Variants in DEUP1 observed in about 807,000 individuals in gnomAD.
DEUP1 encodes deuterosome assembly protein 1, also known as coiled-coil domain containing 67.
DEUP1 carries 82 observed loss-of-function variants against 87.4 expected under a neutral mutation model. The ratio of observed to expected loss-of-function variants is 0.94; its 90% confidence interval spans 0.78 to 1.13. The LOEUF (loss-of-function observed/expected upper bound fraction) is 1.13. Ranked by LOEUF, DEUP1 falls within the 50% of genes most tolerant of loss-of-function variation. The pLI, the probability that DEUP1 is intolerant of heterozygous loss-of-function variation, is 0.00. For missense variants in DEUP1, 663 were observed against 681.5 expected (o/e 0.97, Z 0.30); for synonymous variants, 214 against 222.7 (o/e 0.96, Z 0.35).
At chr11:93,358,614 T>G (rs971539257) in intron 4 of DEUP1, among the ~76,000 whole-genome samples, 16 of 152,196 alleles carry the variant, frequency 1.1e-4, no homozygotes, top group Admixed American at 2.0e-4. Flanking sequence ...GATGGAGTCT[T>G]GCTCTGTCGC....
chr11:93,338,278 G>C (rs891268303), intron 2 of DEUP1, among the ~76,000 whole-genome samples: 2 of 152,056 alleles, frequency 1.3e-5, no homozygotes, highest in African/African-American at 4.8e-5. Context: ...TTAAGAAGTT[G>C]GTCCTATAAC....
chr11:93,407,342 C>T (rs1490699939), intron 11 of DEUP1, among the ~76,000 whole-genome samples: 3 of 152,062 alleles, frequency 2.0e-5, no homozygotes, highest in African/African-American at 7.2e-5. Context: ...TAGGCTTTAC[C>T]TTACAGCCTA....
At chr11:93,408,925 C>G (rs907680992) in intron 12 of DEUP1, among the ~76,000 whole-genome samples, 1 of 151,344 alleles carries the variant, frequency 6.6e-6, no homozygotes, top group Non-Finnish European at 1.5e-5. Context: ...GGTGTGATCT[C>G]GGCTCACTCC....
At chr11:93,427,319 C>T (rs1255861233) in intron 13 of DEUP1, among the ~76,000 whole-genome samples, 15 of 151,598 alleles carry the variant, frequency 9.9e-5, no homozygotes, top group South Asian at 4.2e-4. Flanking sequence ...GAAATAATGC[C>T]GCATATCTAC....
chr11:93,411,749 C>G (rs746803125), intron 12 of DEUP1, among the ~76,000 whole-genome samples: 2 of 151,978 alleles, frequency 1.3e-5, no homozygotes, highest in African/African-American at 4.8e-5. Context: ...AGTTTTATCT[C>G]TATATAAGAC....
intron 7 of DEUP1, 47 bp from the exon 8 acceptor site, chr11:93,385,351 T>A: frequency 6.3e-7 from 1 of 1,592,032 alleles, no homozygotes; most frequent in Non-Finnish European, 8.6e-7. Flanking sequence ...CATTGTACGT[T>A]ATGATAACCA....
chr11:93,382,183 A>G (rs543261659), intron 7 of DEUP1, among the ~76,000 whole-genome samples: 4 of 152,182 alleles, frequency 2.6e-5, no homozygotes, highest in Non-Finnish European at 5.9e-5. Flanking sequence ...GAAGCATACT[A>G]ATTTTAAAAC....
chr11:93,406,317 A>G (rs1395840655), intron 11 of DEUP1, among the ~76,000 whole-genome samples: 1 of 151,950 alleles, frequency 6.6e-6, no homozygotes, highest in South Asian at 2.1e-4. Flanking sequence ...GTAAGATGGA[A>G]TGATCTGGAA....
At chr11:93,405,245 G>C (rs946883323) in intron 11 of DEUP1, among the ~76,000 whole-genome samples, 10 of 151,710 alleles carry the variant, frequency 6.6e-5, no homozygotes, top group African/African-American at 2.2e-4. Flanking sequence ...TCCTTATGGA[G>C]GGAAAAAATG....
At chr11:93,433,340 G>T (rs1000999291) in intron 13 of DEUP1, among the ~76,000 whole-genome samples, 8 of 152,224 alleles carry the variant, frequency 5.3e-5, no homozygotes, top group African/African-American at 1.9e-4. Context: ...ACATAATGAG[G>T]CTCCGTTTCT....
At chr11:93,419,521 G>A (rs1283319417) in intron 13 of DEUP1, among the ~76,000 whole-genome samples, 1 of 152,104 alleles carries the variant, frequency 6.6e-6, no homozygotes, top group Admixed American at 6.6e-5. Flanking sequence ...TGCTGACATT[G>A]AAATGGGTCA....
intron 12 of DEUP1, chr11:93,411,226 T>C (rs1214043218): frequency 6.6e-6 from 1 of 152,230 alleles, no homozygotes; most frequent in African/African-American, 2.4e-5. Flanking sequence ...AAACTATGTA[T>C]GTATATTTGT....
intron 11 of DEUP1, among the ~76,000 whole-genome samples, chr11:93,396,555 C>T (rs1946952114): frequency 6.6e-6 from 1 of 152,104 alleles, no homozygotes; most frequent in African/African-American, 2.4e-5. Context: ...TGATCATTTC[C>T]CTCAAATATG....
chr11:93,373,630 T>C lies in DEUP1; in HGVS notation c.789+2350T>C, dbSNP rs368368200. Among the ~76,000 whole-genome samples the C allele has an allele frequency of 5.5e-5, 8 of 144,484 alleles. No homozygotes were observed. In the East Asian group the frequency reaches 6.1e-4, roughly 11 times the overall value. 94.8% of individuals were successfully genotyped at this position (144,484 alleles called of 152,430 possible). ...TTATATATGTATATATATACGTATA[T>C]ATATATATATATATATATATACGTA... On this transcript the variant is annotated intron_variant, in intron 7 of 13. Transcript: ENST00000298050.
chr11:93,370,834 G>T (rs550796625), intron 6 of DEUP1, among the ~76,000 whole-genome samples: 1 of 151,900 alleles, frequency 6.6e-6, no homozygotes, highest in South Asian at 2.1e-4. Context: ...TTGCTCTGAG[G>T]TTATACAAAT....
At chr11:93,418,682 G>A (rs1350545244) in intron 13 of DEUP1, among the ~76,000 whole-genome samples, 1 of 151,930 alleles carries the variant, frequency 6.6e-6, no homozygotes, top group Non-Finnish European at 1.5e-5. Flanking sequence ...CCATTCCTGG[G>A]TATATACCCA....
chr11:93,383,411 T>A (rs1189504698), intron 7 of DEUP1: 1 of 439,188 alleles, frequency 2.3e-6, no homozygotes, highest in African/African-American at 2.0e-5. Flanking sequence ...ACATCTAGAA[T>A]AGGCAATTCC....
At chr11:93,332,141 G>C in intron 1 of DEUP1, 75 bp from the exon 2 acceptor site, 1 of 931,276 alleles carries the variant, frequency 1.1e-6, no homozygotes, top group South Asian at 1.8e-5. Flanking sequence ...GTTTTTGCCA[G>C]TAGCAAAATT....
chr11:93,379,259 A>G (rs1275300991), intron 7 of DEUP1, among the ~76,000 whole-genome samples: 1 of 151,864 alleles, frequency 6.6e-6, no homozygotes, highest in East Asian at 2.0e-4. Context: ...TTCTTTGGGG[A>G]AAAAAAGATC....
Sources: allele counts gnomAD v4.1 joint callset (sites outside exome capture counted in the v4.1 genomes callset), GRCh38; gene constraint gnomAD v4.1.1; transcripts MANE v1.5; gene names NCBI Gene and HGNC (gene_info 2026-07-23, HGNC 2026-07-21).